BRINP3: variants seen among roughly 807,000 people sequenced by gnomAD.
The protein encoded by BRINP3 is BMP/retinoic acid-inducible neural-specific protein 3.
In BRINP3, 19 loss-of-function variants were observed where a neutral mutation model predicts 71.0. The ratio of observed to expected loss-of-function variants is 0.27; its 90% CI spans 0.19 to 0.39. BRINP3 has a LOEUF of 0.39. Ranked by LOEUF, BRINP3 falls within the 10% of genes least tolerant of loss-of-function variation. The probability of loss-of-function intolerance (pLI) is 1.00; values close to 1 mark genes in which losing one functional copy is unlikely to be tolerated. For missense variants in BRINP3, 959 were observed against 940.8 expected, an observed-to-expected ratio of 1.02 and a Z score of -0.25; for synonymous variants, 380 against 337.7, an observed-to-expected ratio of 1.13 and a Z score of -1.37.
At chr1:190,337,238 T>G (rs1006762385) in intron 2 of BRINP3, among the ~76,000 whole-genome samples, 1 of 152,088 alleles carries the variant, frequency 6.6e-6, no homozygotes, top group Non-Finnish European at 1.5e-5. Flanking sequence ...GAGTAGTGTT[T>G]TCCAGTTCCC....
intron 5 of BRINP3, among the ~76,000 whole-genome samples, chr1:190,229,691 A>ACACAC (rs1553265291): frequency 2.7e-5 from 3 of 109,116 alleles, no homozygotes; most frequent in African/African-American, 6.0e-5. Context: ...CACACACACA[A>ACACAC]AGAAACCACT....
chr1:190,361,213 G>A (rs1409901265), intron 2 of BRINP3, among the ~76,000 whole-genome samples: 1 of 151,976 alleles, frequency 6.6e-6, no homozygotes, highest in Admixed American at 6.6e-5. Flanking sequence ...TTAAGGCTCA[G>A]AGGAACCATT....
At chr1:190,171,596 G>A (rs931680197) in intron 6 of BRINP3, among the ~76,000 whole-genome samples, 4 of 152,016 alleles carry the variant, frequency 2.6e-5, no homozygotes, top group African/African-American at 9.7e-5. Flanking sequence ...TTCATATTAT[G>A]TTGCTACTGA....
At chr1:190,119,917 G>A in intron 7 of BRINP3, among the ~76,000 whole-genome samples, 1 of 152,224 alleles carries the variant, frequency 6.6e-6, no homozygotes, top group East Asian at 1.9e-4. Context: ...GCCATACTCA[G>A]CATCTACAGA....
At chr1:190,423,864 G>T (rs1558274036) in intron 2 of BRINP3, among the ~76,000 whole-genome samples, 1 of 151,318 alleles carries the variant, frequency 6.6e-6, no homozygotes, top group Non-Finnish European at 1.5e-5. Flanking sequence ...TCTCTTATAG[G>T]GATTTTATAA....
At chr1:190,126,372 C>A (rs1419312936) in intron 7 of BRINP3, among the ~76,000 whole-genome samples, 1 of 151,858 alleles carries the variant, frequency 6.6e-6, no homozygotes, top group South Asian at 2.1e-4. Context: ...TAGAGAGATC[C>A]ATTCCACATT....
chr1:190,430,055 A>G (rs554575664), intron 2 of BRINP3, among the ~76,000 whole-genome samples: 1 of 152,332 alleles, frequency 6.6e-6, no homozygotes, highest in African/African-American at 2.4e-5. Context: ...TTTGAAGGTT[A>G]GGACACGTCT....
chr1:190,411,243 T>C (rs1358147796), intron 2 of BRINP3, among the ~76,000 whole-genome samples: 2 of 152,038 alleles, frequency 1.3e-5, no homozygotes, highest in East Asian at 3.9e-4. Flanking sequence ...ACGGGATATT[T>C]ATTAGGAAGA....
chr1:190,174,763 A>G (rs1652347908), intron 6 of BRINP3, among the ~76,000 whole-genome samples: 1 of 149,602 alleles, frequency 6.7e-6, no homozygotes, highest in African/African-American at 2.5e-5. Flanking sequence ...TAAAGAGAAA[A>G]TCATATGTTA....
intron 2 of BRINP3, among the ~76,000 whole-genome samples, chr1:190,381,696 C>A (rs1358125732): frequency 1.3e-5 from 2 of 152,078 alleles, no homozygotes; most frequent in African/African-American, 4.8e-5. Flanking sequence ...AAATGAATGG[C>A]AGTGATTAGC....
rs138829794 is a variant in BRINP3 at position 190,167,648 on chromosome 1, T to C, written c.962-6758A>G. On this transcript the variant is annotated intron_variant, in intron 6 of 7. Coordinates refer to ENST00000367462, the MANE Select transcript of BRINP3 (RefSeq NM_199051.3). The stretch of plus-strand genomic sequence containing the variant: ...ATTTAAATTCCTTTCAGATCTGTTA[T>C]GTTAAAGTTACAAAGAACCGTGATT... Among the ~76,000 whole-genome samples, 826 of 152,282 alleles carry C rather than the reference T, an allele frequency of 5.4e-3. 6 individuals are homozygous for C. Among genetic ancestry groups the C allele is most frequent in the African/African-American group, 0.018 (753 of 41,562 alleles).
chr1:190,119,422 C>T (rs990752413), intron 7 of BRINP3, among the ~76,000 whole-genome samples: 7 of 151,992 alleles, frequency 4.6e-5, no homozygotes, highest in African/African-American at 1.7e-4. Context: ...ATTACAGGCA[C>T]ATGCCACCAT....
At chr1:190,426,561 T>C (rs1673720709) in intron 2 of BRINP3, among the ~76,000 whole-genome samples, 1 of 151,828 alleles carries the variant, frequency 6.6e-6, no homozygotes, top group Non-Finnish European at 1.5e-5. Flanking sequence ...CATTTTTAGA[T>C]TGTAGAGCAT....
chr1:190,118,054 AG>A (rs1653300478), intron 7 of BRINP3, among the ~76,000 whole-genome samples: 1 of 151,916 alleles, frequency 6.6e-6, no homozygotes, highest in Admixed American at 6.6e-5. Flanking sequence ...TTTTGGGCAA[AG>A]GGTACAAATA....
At chr1:190,265,539 A>AATAAATATATATATATATAT (rs1661578537) in intron 3 of BRINP3, among the ~76,000 whole-genome samples, 6 of 139,236 alleles carry the variant, frequency 4.3e-5, no homozygotes, top group African/African-American at 1.3e-4. Context: ...GTCTCTACTA[A>AATAAATATATATATATATAT]ATATATATAT....
intron 6 of BRINP3, among the ~76,000 whole-genome samples, chr1:190,180,839 T>G (rs185653489): frequency 8.0e-4 from 121 of 152,152 alleles, no homozygotes; most frequent in Admixed American, 3.1e-3. Context: ...TAACAACAAT[T>G]CCTAGGAAGT....
chr1:190,363,999 A>T (rs1459221965), intron 2 of BRINP3, among the ~76,000 whole-genome samples: 1 of 152,136 alleles, frequency 6.6e-6, no homozygotes, highest in Non-Finnish European at 1.5e-5. Context: ...ATATGAAGAA[A>T]AATGATATCC....
In BRINP3 at chr1:190,336,772, A is replaced by G. The variant is rs192494473; in HGVS notation, c.237-55022T>C. Among the ~76,000 whole-genome samples, 609 of 148,122 alleles carry G rather than the reference A, an allele frequency of 4.1e-3. 4 individuals are homozygous for G. Among genetic ancestry groups the G allele is most frequent in the Middle Eastern group, 0.014 (4 of 286 alleles). ...TAAATTGAATAATAATTCACATACT[A>G]TCTCCTTCCCTCCCTCCCTCCCTTC... On this transcript the variant is annotated intron_variant, in intron 2 of 7. Transcript: ENST00000367462.
intron 2 of BRINP3, among the ~76,000 whole-genome samples, chr1:190,314,130 A>G (rs537162819): frequency 1.3e-5 from 2 of 152,244 alleles, no homozygotes; most frequent in Non-Finnish European, 2.9e-5. Flanking sequence ...GAGATTAAAA[A>G]AATACTTCAT....
Sources: allele counts gnomAD v4.1 joint callset (sites outside exome capture counted in the v4.1 genomes callset), GRCh38; gene constraint gnomAD v4.1.1; transcripts MANE v1.5; gene names NCBI Gene and HGNC (gene_info 2026-07-23, HGNC 2026-07-21).